The following DESI2 variants were observed in gnomAD, a reference collection of about 807,000 sequenced individuals.
The protein encoded by DESI2 is desumoylating isopeptidase 2.
DESI2 carries 10 observed loss-of-function variants against 24.1 expected under a neutral mutation model. That is an observed-to-expected ratio of 0.41 (90% CI 0.26 to 0.70). The LOEUF is 0.70. Among genes scored for constraint, DESI2 ranks in the 30% least tolerant of loss-of-function variants. The probability of loss-of-function intolerance (pLI) is 0.29; values close to 1 mark genes in which losing one functional copy is unlikely to be tolerated. For synonymous variants in DESI2, 71 were observed against 87.7 expected, an observed-to-expected ratio of 0.81 and a Z score of 1.06; for missense variants, 122 against 234.9, an observed-to-expected ratio of 0.52 and a Z score of 3.14.
At chr1:244,704,788 A>G (rs1677628682) in intron 4 of DESI2, among the ~76,000 whole-genome samples, 1 of 152,130 alleles carries the variant, frequency 6.6e-6, no homozygotes, top group African/African-American at 2.4e-5. Context: ...CCTCCCGAGT[A>G]TCTGGGAATA....
chr1:244,653,178 C>T lies in DESI2; in HGVS notation c.-136C>T, dbSNP rs372800730. The T allele has an allele frequency of 3.9e-5, 34 of 880,474 alleles. No individual in the cohort carries two copies. The East Asian group carries it at 7.7e-4, about 20-fold the overall frequency. 54.5% of individuals were successfully genotyped at this position (880,474 alleles called of 1,614,324 possible). On this transcript the variant is annotated 5_prime_UTR_variant, in exon 1 of 5. Transcript: ENST00000302550. ...GCGGCTCGGCTGCCCGATGCTTCCGCCCCGGCTGCCGCGGGCCGGGCTGTA... is the reference window on the plus strand; with the variant it reads ...GCGGCTCGGCTGCCCGATGCTTCCGTCCCGGCTGCCGCGGGCCGGGCTGTA...
At chr1:244,705,189 C>T (rs1471446000) in intron 4 of DESI2, among the ~76,000 whole-genome samples, 1 of 152,184 alleles carries the variant, frequency 6.6e-6, no homozygotes, top group Non-Finnish European at 1.5e-5. Context: ...CCTGGGGCTT[C>T]TATTACTCTA....
rs942178526 is a variant in DESI2, at chr1:244,707,338, T to C, written c.*1549T>C. ...ACCCTGTTCATAGGGAAAATAAACC[T>C]TGGGTTATAAGCATTAGCCTGAGGA... On this transcript the variant is annotated 3_prime_UTR_variant, in exon 5 of 5. Transcript: ENST00000302550. 6.6e-6 allele frequency: 1 copy of C among 152,648 alleles called. No homozygotes were observed. Among genetic ancestry groups the C allele is most frequent in the Non-Finnish European group, 1.5e-5 (1 of 68,042 alleles). The allele number at this position is 152,648 out of a possible 1,614,324, so 9.5% of individuals were successfully genotyped here. A position where few individuals can be genotyped will look rare whatever the true frequency, so the allele number is the denominator to read the frequency against.
At chr1:244,700,464 A>G (rs1328195016) in intron 4 of DESI2, among the ~76,000 whole-genome samples, 2 of 152,012 alleles carry the variant, frequency 1.3e-5, no homozygotes, top group South Asian at 2.1e-4. Context: ...GTAATCTTCT[A>G]CAGCGTTTTG....
chr1:244,705,590 A>T lies in DESI2; in HGVS notation c.386A>T (p.Asn129Ile). The stretch of plus-strand genomic sequence containing the variant: ...GGGAAAGAGATTCCTCGCTGGATCA[A>T]TCGACTTGCCTACTTCAGCTCCTGT... ...LCGKEIPRWINRLAYFSSCIP... is the reference protein window; with the variant it reads ...LCGKEIPRWIIRLAYFSSCIP... The change falls in exon 5 of 5, where the codon AAT becomes ATT. Residue 129 changes from asparagine to isoleucine, a missense_variant. Asn to Ile is a moderately radical substitution (Grantham distance 149). This residue lies in a region of DESI2 where 12 missense variants were observed against 31.8 expected (regional missense o/e 0.38). Transcript: ENST00000302550. 6.2e-7 allele frequency: 1 copy of T among 1,614,178 alleles called. No homozygotes were observed. Among genetic ancestry groups the T allele is most frequent in the Non-Finnish European group, 8.5e-7 (1 of 1,180,028 alleles).
At chr1:244,698,115 C>T (rs1364666267) in intron 4 of DESI2, among the ~76,000 whole-genome samples, 2 of 152,122 alleles carry the variant, frequency 1.3e-5, no homozygotes, top group East Asian at 1.9e-4. Context: ...TATGGATATA[C>T]GATAGAAGTT....
intron 1 of DESI2, among the ~76,000 whole-genome samples, chr1:244,683,934 G>T (rs976858708): frequency 2.7e-5 from 4 of 150,848 alleles, no homozygotes; most frequent in African/African-American, 7.3e-5. Flanking sequence ...TGAACTCCTG[G>T]CCTCAAGCTG....
intron 1 of DESI2, among the ~76,000 whole-genome samples, chr1:244,658,261 A>G (rs1237190978): frequency 2.0e-5 from 3 of 152,176 alleles, no homozygotes; most frequent in Non-Finnish European, 4.4e-5. Context: ...GCTGACAGTT[A>G]AAGGTCCATT....
chr1:244,663,419 G>A (rs1000513209), intron 1 of DESI2, among the ~76,000 whole-genome samples: 10 of 151,710 alleles, frequency 6.6e-5, no homozygotes, highest in East Asian at 2.0e-4. Flanking sequence ...CTCGTGATCC[G>A]CCCACCTCAG....
At chr1:244,654,165 G>A (rs1573168994) in intron 1 of DESI2, 2 of 379,598 alleles carry the variant, frequency 5.3e-6, no homozygotes, top group East Asian at 7.3e-5. Flanking sequence ...AATGCCCCCA[G>A]AAAAAAGCAC....
intron 1 of DESI2, among the ~76,000 whole-genome samples, chr1:244,661,378 T>A (rs1675833926): frequency 6.6e-6 from 1 of 152,218 alleles, no homozygotes; most frequent in South Asian, 2.1e-4. Context: ...TTCCACTGTG[T>A]ATGTATATGC....
rs200211688 is a variant in DESI2 at position 244,705,740 on chromosome 1, T to A, written c.536T>A (p.Val179Glu). The A allele has an allele frequency of 6.2e-6, 10 of 1,613,622 alleles. No homozygotes were observed. In the East Asian group the frequency reaches 2.0e-4, roughly 32 times the overall value. Reference protein sequence around the residue: ...EAEDAAASASVASTAAGSRPG... With the variant: ...EAEDAAASASEASTAAGSRPG... ...GAGGATGCTGCCGCATCCGCTTCCGTGGCAAGCACTGCAGCAGGCTCCAGA... is the reference window on the plus strand; with the variant it reads ...GAGGATGCTGCCGCATCCGCTTCCGAGGCAAGCACTGCAGCAGGCTCCAGA... The change falls in exon 5 of 5, where the codon GTG becomes GAG. Residue 179 changes from valine (V) to glutamate (E), a missense_variant. Val to Glu is a moderately radical substitution (Grantham distance 121, BLOSUM62 -2). Transcript: ENST00000302550.
intron 4 of DESI2, among the ~76,000 whole-genome samples, chr1:244,701,708 A>T (rs1329061778): frequency 6.6e-6 from 1 of 152,100 alleles, no homozygotes; most frequent in Non-Finnish European, 1.5e-5. Flanking sequence ...CCACTATTAT[A>T]TTTTGGGAGC....
chr1:244,665,449 C>T (rs1048928757), intron 1 of DESI2, among the ~76,000 whole-genome samples: 3 of 152,168 alleles, frequency 2.0e-5, no homozygotes, highest in Non-Finnish European at 4.4e-5. Context: ...GAACTAACTT[C>T]TGCACTCTGT....
chr1:244,703,262 A>T (rs1677548689), intron 4 of DESI2, among the ~76,000 whole-genome samples: 1 of 152,122 alleles, frequency 6.6e-6, no homozygotes, highest in Non-Finnish European at 1.5e-5. Flanking sequence ...TCTGCCTCCC[A>T]AAGTGCTGGG....
chr1:244,695,031 T>C (rs748828061), intron 4 of DESI2, among the ~76,000 whole-genome samples: 7 of 152,206 alleles, frequency 4.6e-5, no homozygotes, highest in Non-Finnish European at 8.8e-5. Context: ...GGTCAGTGTC[T>C]CAACTGTGAG....
rs554837369 is a variant in DESI2 at position 244,659,213 on chromosome 1, T to TA, written c.42+5859dup. Among the ~76,000 whole-genome samples the TA allele has an allele frequency of 1.4e-3, 214 of 152,096 alleles. 1 individual carries two copies. The highest frequency in any genetic ancestry group is 4.8e-3 in the African/African-American group (201 of 41,512). On this transcript the variant is annotated intron_variant, in intron 1 of 4. Transcript: ENST00000302550. The stretch of plus-strand genomic sequence containing the variant: ...TAGGGGGGAAGGGGGTGGGGGAAGC[T>TA]AGTATGTATGAGAAAAGAATTCAGT...
At chr1:244,694,620 C>T (rs1046350033) in intron 4 of DESI2, 22 of 845,972 alleles carry the variant, frequency 2.6e-5, no homozygotes, top group African/African-American at 2.3e-4. Context: ...GCCACATTTG[C>T]CACAGGTCAA....
intron 4 of DESI2, among the ~76,000 whole-genome samples, chr1:244,699,571 A>T: frequency 8.9e-6 from 1 of 112,096 alleles, no homozygotes; most frequent in Admixed American, 1.2e-4. Context: ...ACAGAGTGAG[A>T]CTGTCTCAAA....
Sources: gnomAD v4.1 joint callset for allele counts (sites outside exome capture counted in the v4.1 genomes callset) on GRCh38, gnomAD v4.1.1 for gene constraint, gnomAD v4.1.1 regional missense constraint, MANE v1.5 for transcripts, NCBI Gene and HGNC (gene_info 2026-07-23, HGNC 2026-07-21) for gene names.